Variants in AP3B1 observed in about 807,000 individuals in gnomAD.
The protein encoded by AP3B1 is AP-3 complex subunit beta-1.
A neutral mutation model predicts 132.5 loss-of-function variants in AP3B1; 61 were observed. That is an observed-to-expected ratio of 0.46 (90% CI 0.37 to 0.57). The LOEUF (loss-of-function observed/expected upper bound fraction) is 0.57. Among genes scored for constraint, AP3B1 ranks in the 20% least tolerant of loss-of-function variants. The pLI, the probability that AP3B1 is intolerant of heterozygous loss-of-function variation, is 0.00. For synonymous variants in AP3B1, 388 were observed against 438.3 expected (o/e 0.89, Z 1.43); for missense variants, 1,120 against 1,289.4 (o/e 0.87, Z 2.01).
At chr5:78,138,969 CAAAAAAAAAAA>C (rs34427836) in intron 15 of AP3B1, among the ~76,000 whole-genome samples, 5 of 39,470 alleles carry the variant, frequency 1.3e-4, no homozygotes, top group African/African-American at 4.2e-4. Flanking sequence ...AACTCTGTCT[CAAAAAAAAAAA>C]AAAAAAAAAA....
rs552419201 is a variant in AP3B1, at chr5:78,146,975, C to T, written c.1474-5656G>A. 3.4e-4 allele frequency among the ~76,000 whole-genome samples: 51 copies of T among 152,054 alleles called. 1 individual carries two copies. The South Asian group carries it at 0.011, about 32-fold the overall frequency. On this transcript the variant is annotated intron_variant, in intron 14 of 26. Coordinates refer to ENST00000255194, the MANE Select transcript of AP3B1 (RefSeq NM_003664.5). ...TTGAAAATATTCACTGGATATACTC[C>T]TAAAAGTGGGTATTATCTGTTCAAG... is the stretch of plus-strand genomic sequence containing the variant.
chr5:78,025,110 T>C (rs1192081679), intron 24 of AP3B1, among the ~76,000 whole-genome samples: 1 of 152,184 alleles, frequency 6.6e-6, no homozygotes, highest in Admixed American at 6.5e-5. Flanking sequence ...ACAGAGTACA[T>C]ACTCAAAATA....
chr5:78,124,995 C>T (rs1752399553), intron 17 of AP3B1, among the ~76,000 whole-genome samples: 1 of 151,654 alleles, frequency 6.6e-6, no homozygotes, highest in Admixed American at 6.6e-5. Flanking sequence ...GTATTGTGGT[C>T]CTTTATGACT....
At chr5:78,028,886 C>T (rs1453408726) in intron 24 of AP3B1, among the ~76,000 whole-genome samples, 1 of 152,132 alleles carries the variant, frequency 6.6e-6, no homozygotes, top group African/African-American at 2.4e-5. Context: ...TGGTGTAGAA[C>T]TGTATGGTAT....
At chr5:78,064,651 CA>C (rs144765827) in intron 22 of AP3B1, among the ~76,000 whole-genome samples, 4,086 of 152,174 alleles carry the variant, frequency 0.027, 167 homozygotes, top group East Asian at 0.14. Flanking sequence ...AAAATAAAAT[CA>C]AAATGTTATT....
chr5:78,203,680 C>A (rs1038588834), intron 7 of AP3B1, among the ~76,000 whole-genome samples: 11 of 152,030 alleles, frequency 7.2e-5, no homozygotes, highest in Non-Finnish European at 1.6e-4. Context: ...CTATTTGCCC[C>A]TTTCTCTCTC....
chr5:78,177,357 C>A lies in AP3B1; in HGVS notation c.1022G>T (p.Arg341Leu). The change falls in exon 9 of 27, where the codon CGT (arginine) becomes CTT (leucine). Residue 341 changes from arginine (R) to leucine (L), a missense_variant. By Grantham distance (102) the Arg-to-Leu change is moderately radical. Transcript: ENST00000255194. ...EAGIISKSLVRLLRSNREVQY... is the reference protein window; with the variant it reads ...EAGIISKSLVLLLRSNREVQY... ...GACCTACCTATTGCTACGAAGTAAA[C>A]GCACTAGTGATTTAGAAATTATGCC... The A allele has an allele frequency of 1.2e-6, 2 of 1,613,080 alleles. No homozygotes were observed. Among genetic ancestry groups the A allele is most frequent in the Non-Finnish European group, 1.7e-6 (2 of 1,179,226 alleles).
At chr5:78,032,598 GGC>G (rs1747628529) in intron 24 of AP3B1, among the ~76,000 whole-genome samples, 1 of 151,652 alleles carries the variant, frequency 6.6e-6, no homozygotes, top group East Asian at 1.9e-4. Context: ...TCTGATTTTG[GGC>G]AGGCCAATCA....
intron 22 of AP3B1, among the ~76,000 whole-genome samples, chr5:78,078,995 G>A (rs1266815204): frequency 6.6e-6 from 1 of 152,150 alleles, no homozygotes; most frequent in African/African-American, 2.4e-5. Flanking sequence ...CTTAGGTATT[G>A]CAAATTTTTA....
intron 22 of AP3B1, among the ~76,000 whole-genome samples, chr5:78,061,375 T>C (rs955338505): frequency 7.9e-5 from 12 of 152,338 alleles, no homozygotes; most frequent in Middle Eastern, 3.4e-3. Flanking sequence ...GTGAGTGGTA[T>C]GTCTACAGGT....
chr5:78,098,480 ACT>A (rs368947271), intron 21 of AP3B1, among the ~76,000 whole-genome samples: 279 of 152,198 alleles, frequency 1.8e-3, no homozygotes, highest in African/African-American at 6.1e-3. Flanking sequence ...TGTAACATTT[ACT>A]CTTAGTTCCC....
intron 7 of AP3B1, among the ~76,000 whole-genome samples, chr5:78,207,396 A>G (rs1745553720): frequency 6.6e-6 from 1 of 152,056 alleles, no homozygotes; most frequent in East Asian, 1.9e-4. Flanking sequence ...CAGTGTACTC[A>G]AGCCTGGGTG....
chr5:78,163,793 A>C (rs1743498030), intron 12 of AP3B1, among the ~76,000 whole-genome samples: 1 of 151,876 alleles, frequency 6.6e-6, no homozygotes, highest in African/African-American at 2.4e-5. Flanking sequence ...GAACCTTCCT[A>C]ATTTTTAAAT....
At chr5:78,141,517 C>T (rs1202384648) in intron 14 of AP3B1, among the ~76,000 whole-genome samples, 198 bp from the exon 15 acceptor site, 3 of 152,144 alleles carry the variant, frequency 2.0e-5, no homozygotes, top group East Asian at 1.9e-4. Flanking sequence ...AAATTGATTT[C>T]GAAGAGAATA....
intron 14 of AP3B1, among the ~76,000 whole-genome samples, chr5:78,151,681 T>C (rs1753654804): frequency 6.6e-6 from 1 of 152,178 alleles, no homozygotes; most frequent in Non-Finnish European, 1.5e-5. Context: ...TGTTGAACCA[T>C]CCTGGTAACC....
intron 14 of AP3B1, among the ~76,000 whole-genome samples, chr5:78,148,739 C>G (rs557474076): frequency 6.6e-6 from 1 of 152,204 alleles, no homozygotes; most frequent in African/African-American, 2.4e-5. Flanking sequence ...GTGGTAAAAA[C>G]CACAATTATT....
At position 78,141,186 on chromosome 5, in the gene AP3B1, A is replaced by G. The variant is rs1306362155; in HGVS notation, c.1607T>C (p.Ile536Thr). ...ATACAATTTTGCTCCCAGATTTAAT[A>G]TCTGCAGTTTTACCAGATCATCTTC... Reference protein sequence around the residue: ...TSEDDLVKLQILNLGAKLYLT... With the variant: ...TSEDDLVKLQTLNLGAKLYLT... The change falls in exon 15 of 27, where the codon ATA becomes ACA. Residue 536 changes from isoleucine (I) to threonine (T), a missense_variant. Around this residue, in one of 3 missense-constraint regions of AP3B1, gnomAD observed 906 missense variants for 997.1 expected, o/e 0.91. Coordinates refer to ENST00000255194, the MANE Select transcript of AP3B1 (RefSeq NM_003664.5). 1.2e-5 allele frequency: 20 copies of G among 1,613,864 alleles called. No individual in the cohort carries two copies. Among genetic ancestry groups the G allele is most frequent in the Non-Finnish European group, 1.6e-5 (19 of 1,179,788 alleles).
intron 3 of AP3B1, among the ~76,000 whole-genome samples, chr5:78,239,237 A>C (rs1471685589): frequency 1.3e-5 from 2 of 151,710 alleles, no homozygotes; most frequent in Admixed American, 1.3e-4. Context: ...TTGGGAGGCC[A>C]AGGTTGGCAG....
In AP3B1 at chr5:78,225,570, A is replaced by G. The variant is rs938821612; in HGVS notation, c.575T>C (p.Ile192Thr). The change falls in exon 6 of 27, where the codon ATT (isoleucine) becomes ACT (threonine). Residue 192 changes from isoleucine to threonine, a missense_variant. By Grantham distance (89) the Ile-to-Thr change is moderately conservative. Transcript: ENST00000255194. Reference sequence around the variant, plus strand: ...GCTTTTATCTTTCAGAAGTTTTTCAATTACTTCAATTAACATTTCCTTCTG... The same window carrying G: ...GCTTTTATCTTTCAGAAGTTTTTCAGTTACTTCAATTAACATTTCCTTCTG... ...PEQKEMLIEVIEKLLKDKSTL... is the reference protein window; with the variant it reads ...PEQKEMLIEVTEKLLKDKSTL... 6.3e-6 allele frequency: 10 copies of G among 1,581,008 alleles called. No homozygotes were observed. Among genetic ancestry groups the G allele is most frequent in the Non-Finnish European group, 8.7e-6 (10 of 1,152,478 alleles).
Sources: allele counts gnomAD v4.1 joint callset (sites outside exome capture counted in the v4.1 genomes callset), GRCh38; gene constraint gnomAD v4.1.1; regional missense constraint gnomAD v4.1.1; transcripts MANE v1.5; gene names NCBI Gene and HGNC (gene_info 2026-07-23, HGNC 2026-07-21).